XPNPEP1: variants seen among roughly 807,000 people sequenced by gnomAD.
The protein encoded by XPNPEP1 is X-prolyl aminopeptidase 1, also known as xaa-Pro aminopeptidase 1.
XPNPEP1 carries 39 observed loss-of-function variants against 92.4 expected under a neutral mutation model. The ratio of observed to expected loss-of-function variants is 0.42; its 90% CI spans 0.33 to 0.55. The LOEUF (loss-of-function observed/expected upper bound fraction) is 0.55. XPNPEP1 is among the 20% of genes least tolerant of loss of function. The pLI is 0.08. For synonymous variants in XPNPEP1, 307 were observed against 299.4 expected, an observed-to-expected ratio of 1.03 and a Z score of -0.26; for missense variants, 654 against 856.1, an observed-to-expected ratio of 0.76 and a Z score of 2.95.
chr10:109,894,179 A>G (rs1348640421), intron 3 of XPNPEP1: 2 of 152,228 alleles, frequency 1.3e-5, no homozygotes, highest in Admixed American at 6.5e-5. Flanking sequence ...TTTTTAGGAC[A>G]GTCAACATGA....
intron 1 of XPNPEP1, among the ~76,000 whole-genome samples, chr10:109,915,598 G>T (rs140466542): frequency 6.6e-6 from 1 of 151,508 alleles, no homozygotes; most frequent in Non-Finnish European, 1.5e-5. Context: ...TTCCTTCTGC[G>T]TTTTGTGATC....
Position 109,914,999 on chromosome 10 carries a change from C to G in XPNPEP1, c.121+12G>C. ...ACAGATGTTCCATCTAATTTCCAGA[C>G]AAAATTATTACCTGTTTCCACACCT... On this transcript the variant is annotated intron_variant, in intron 2 of 20. Transcript: ENST00000502935. 1 of 1,499,622 alleles carries G rather than the reference C, an allele frequency of 6.7e-7. No individual in the cohort carries two copies. The highest frequency in any genetic ancestry group is 2.5e-5 in the East Asian group (1 of 40,038). The allele number at this position is 1,499,622 out of a possible 1,614,324, so 92.9% of individuals were successfully genotyped here. A position where few individuals can be genotyped will look rare whatever the true frequency, so the allele number is the denominator to read the frequency against.
At position 109,873,384 on chromosome 10, in the gene XPNPEP1, G is replaced by A. The variant is rs1847594148; in HGVS notation, c.1435C>T (p.Pro479Ser). The part of the protein sequence containing the change: ...DVTRTMHFGT[P>S]TAYEKECFTY... ...CACCTTACCTTCTCGTAGGCTGTAGGGGTCCCAAAATGCATTGTCCGCGTC... is the reference window on the plus strand; with the variant it reads ...CACCTTACCTTCTCGTAGGCTGTAGAGGTCCCAAAATGCATTGTCCGCGTC... The change falls in exon 16 of 21, where the codon CCT (proline) becomes TCT (serine). Residue 479 changes from proline (P) to serine (S), a missense_variant. Transcript: ENST00000502935. 1.2e-6 allele frequency: 2 copies of A among 1,613,976 alleles called. No individual in the cohort carries two copies. The highest frequency in any genetic ancestry group is 1.7e-6 in the Non-Finnish European group (2 of 1,180,018).
At chr10:109,887,969 G>C (rs1374395778) in intron 7 of XPNPEP1, 80 bp downstream of exon 7, 3 of 1,555,196 alleles carry the variant, frequency 1.9e-6, no homozygotes, top group Non-Finnish European at 2.6e-6. Context: ...ACTTGGATTC[G>C]GAGGACGAGG....
chr10:109,916,691 C>T (rs1177557569), intron 1 of XPNPEP1, among the ~76,000 whole-genome samples: 1 of 152,052 alleles, frequency 6.6e-6, no homozygotes. Context: ...AAGTAAGACA[C>T]CCCAATATGT....
intron 16 of XPNPEP1, 81 bp from the exon 17 acceptor site, chr10:109,871,942 T>A (rs1170446687): frequency 7.1e-7 from 1 of 1,401,526 alleles, no homozygotes; most frequent in African/African-American, 1.4e-5. Flanking sequence ...CAGAAAATCC[T>A]GCCTGCTAAA....
At chr10:109,871,738 T>C (rs1564746035) in intron 17 of XPNPEP1, 54 bp downstream of exon 17, 5 of 1,583,308 alleles carry the variant, frequency 3.2e-6, no homozygotes, top group African/African-American at 1.4e-5. Flanking sequence ...CATAGACATA[T>C]TTGATTCTCA....
chr10:109,882,318 G>A lies in XPNPEP1; in HGVS notation c.1041+114C>T, dbSNP rs1053707649. 156 of 1,232,854 alleles carry A rather than the reference G, an allele frequency of 1.3e-4. No individual in the cohort carries two copies. The East Asian group carries it at 3.8e-3, about 30-fold the overall frequency. 76.4% of individuals were successfully genotyped at this position (1,232,854 alleles called of 1,614,324 possible). ...CCAGCTTTAAGGCCTCATCCATGGA[G>A]ACCACAGTTCTGATCCAACAGGCAG... On this transcript the variant is annotated intron_variant, in intron 10 of 20. Coordinates refer to ENST00000502935, the MANE Select transcript of XPNPEP1 (RefSeq NM_020383.4).
Position 109,923,435 on chromosome 10 carries a change from C to T in XPNPEP1, c.-2G>A, listed in dbSNP as rs1589653230. The T allele has an allele frequency of 1.4e-6, 2 of 1,439,016 alleles. No homozygotes were observed. The highest frequency in any genetic ancestry group is 1.8e-6 in the Non-Finnish European group (2 of 1,095,538). The allele number at this position is 1,439,016 out of a possible 1,614,324, so 89.1% of individuals were successfully genotyped here. ...CGGTGGCTTTCTGGAGGCTGCCATT[C>T]GGCGGTGACGTGCCCCAGCCCACGT... On this transcript the variant is annotated 5_prime_UTR_variant, in exon 1 of 21. Coordinates refer to ENST00000502935, the MANE Select transcript of XPNPEP1 (RefSeq NM_020383.4).
chr10:109,886,659 C>A (rs896012239), intron 7 of XPNPEP1, among the ~76,000 whole-genome samples: 1 of 152,196 alleles, frequency 6.6e-6, no homozygotes, highest in Non-Finnish European at 1.5e-5. Flanking sequence ...CTGAGCCAGA[C>A]CCAGTCCCTG....
At chr10:109,889,630 A>G (rs557494472) in intron 5 of XPNPEP1, among the ~76,000 whole-genome samples, 2 of 152,350 alleles carry the variant, frequency 1.3e-5, no homozygotes, top group South Asian at 2.1e-4. Context: ...ATCTAAGCCA[A>G]CACCTTCCAT....
At position 109,873,403 on chromosome 10, in the gene XPNPEP1, C is replaced by T. The variant is rs75825294; in HGVS notation, c.1416G>A (p.Arg472=). The T allele has an allele frequency of 1.1e-3, 1,719 of 1,614,156 alleles. 1 individual carries two copies. The highest frequency in any genetic ancestry group is 1.4e-3 in the Non-Finnish European group (1,609 of 1,180,012). The change falls in exon 16 of 21, where the codon CGG becomes CGA. Residue 472 remains arginine, a synonymous_variant. Coordinates refer to ENST00000502935, the MANE Select transcript of XPNPEP1 (RefSeq NM_020383.4). The part of the protein sequence containing the change: ...QYKDGTTDVT[R]TMHFGTPTAY... Reference sequence around the variant, plus strand: ...CTGTAGGGGTCCCAAAATGCATTGTCCGCGTCACATCTGTGGTGCCATCCC... The same window carrying T: ...CTGTAGGGGTCCCAAAATGCATTGTTCGCGTCACATCTGTGGTGCCATCCC...
chr10:109,894,810 T>G (rs1848896262), intron 3 of XPNPEP1, among the ~76,000 whole-genome samples: 1 of 152,238 alleles, frequency 6.6e-6, no homozygotes, highest in Admixed American at 6.5e-5. Flanking sequence ...GCACGTTTTA[T>G]TCCTAAAGCA....
chr10:109,883,632 G>A (rs1179022717), intron 9 of XPNPEP1, among the ~76,000 whole-genome samples: 1 of 152,156 alleles, frequency 6.6e-6, no homozygotes, highest in East Asian at 1.9e-4. Context: ...AAATAGAACA[G>A]TAATGAAAAG....
chr10:109,881,689 T>C (rs2133398248), intron 10 of XPNPEP1, among the ~76,000 whole-genome samples: 1 of 152,280 alleles, frequency 6.6e-6, no homozygotes, highest in South Asian at 2.1e-4. Flanking sequence ...AGGACATCAC[T>C]GGGCTTGCCA....
At chr10:109,913,949 A>G (rs1328502930) in intron 2 of XPNPEP1, among the ~76,000 whole-genome samples, 1 of 152,188 alleles carries the variant, frequency 6.6e-6, no homozygotes, top group Non-Finnish European at 1.5e-5. Context: ...ATATGGTCCA[A>G]AATGTGTTGG....
intron 2 of XPNPEP1, among the ~76,000 whole-genome samples, chr10:109,910,797 T>G (rs1229711336): frequency 6.6e-6 from 1 of 152,130 alleles, no homozygotes; most frequent in South Asian, 2.1e-4. Context: ...TGTTTTGGAG[T>G]TTGCCAACTC....
At chr10:109,919,306 T>C (rs879130102) in intron 1 of XPNPEP1, among the ~76,000 whole-genome samples, 1 of 152,186 alleles carries the variant, frequency 6.6e-6, no homozygotes, top group Admixed American at 6.5e-5. Context: ...ATAACCCAAT[T>C]TTAAATGGGC....
At chr10:109,904,917 C>T (rs1849474248) in intron 3 of XPNPEP1, among the ~76,000 whole-genome samples, 3 of 151,976 alleles carry the variant, frequency 2.0e-5, no homozygotes, top group Admixed American at 2.0e-4. Context: ...GGGCATATAT[C>T]CAAAAGAATG....
Sources: gnomAD v4.1 joint callset for allele counts (sites outside exome capture counted in the v4.1 genomes callset) on GRCh38, gnomAD v4.1.1 for gene constraint, MANE v1.5 for transcripts, NCBI Gene and HGNC (gene_info 2026-07-23, HGNC 2026-07-21) for gene names.